The following SLC15A2 variants were observed in gnomAD, a reference collection of about 807,000 sequenced individuals.
SLC15A2 encodes kidney H(+)/peptide cotransporter.
A neutral mutation model predicts 95.5 loss-of-function variants in SLC15A2; 77 were observed. That is an observed-to-expected ratio of 0.81 (90% CI 0.67 to 0.97). The LOEUF is 0.97. SLC15A2 is among the 50% of genes least tolerant of loss of function. The probability of loss-of-function intolerance (pLI) is 0.00; values close to 1 mark genes in which losing one functional copy is unlikely to be tolerated. For missense variants in SLC15A2, 893 were observed against 874.4 expected (o/e 1.02, Z -0.27); for synonymous variants, 306 against 306.9 (o/e 1.00, Z 0.03).
chr3:121,897,336 A>G lies in SLC15A2; in HGVS notation c.194-52A>G, dbSNP rs192534104. The G allele has an allele frequency of 1.7e-4, 263 of 1,590,558 alleles. 3 individuals carry two copies. In the East Asian group the frequency reaches 5.8e-3, roughly 35 times the overall value. On this transcript the variant is annotated intron_variant, in intron 2 of 21. Coordinates refer to ENST00000489711, the MANE Select transcript of SLC15A2 (RefSeq NM_021082.4). ...ATATTTTTTTCCATAAGTCACTTTA[A>G]TGCATCTATCTTGTTTTGTCTCCCC...
intron 3 of SLC15A2, among the ~76,000 whole-genome samples, chr3:121,899,986 A>G (rs1709492528): frequency 6.6e-6 from 1 of 150,954 alleles, no homozygotes; most frequent in South Asian, 2.1e-4. Flanking sequence ...TATTTTTCTC[A>G]CTCTCGTCCT....
intron 3 of SLC15A2, among the ~76,000 whole-genome samples, chr3:121,909,418 T>C (rs1183915787): frequency 1.3e-5 from 2 of 152,208 alleles, no homozygotes; most frequent in South Asian, 2.1e-4. Context: ...GTTTCTTGAT[T>C]TGTAAAATTG....
At chr3:121,930,418 G>T (rs1710208892) in intron 17 of SLC15A2, among the ~76,000 whole-genome samples, 1 of 152,158 alleles carries the variant, frequency 6.6e-6, no homozygotes, top group African/African-American at 2.4e-5. Flanking sequence ...TCAGTTTTAT[G>T]TAAATACTAT....
intron 19 of SLC15A2, among the ~76,000 whole-genome samples, chr3:121,935,889 C>T (rs986719804): frequency 3.3e-5 from 5 of 151,992 alleles, no homozygotes; most frequent in African/African-American, 1.2e-4. Flanking sequence ...CCTGCTTTCT[C>T]TTGTGGGCAT....
intron 3 of SLC15A2, among the ~76,000 whole-genome samples, chr3:121,907,020 C>T (rs138928010): frequency 6.1e-4 from 93 of 152,252 alleles, no homozygotes; most frequent in African/African-American, 2.1e-3. Flanking sequence ...TTTACATAGT[C>T]CTATATTTCT....
At chr3:121,913,335 T>C (rs1294419377) in intron 5 of SLC15A2, among the ~76,000 whole-genome samples, 1 of 152,162 alleles carries the variant, frequency 6.6e-6, no homozygotes, top group African/African-American at 2.4e-5. Context: ...AAAAGGTATG[T>C]CTTATGAGGA....
chr3:121,934,388 C>A (rs1249074597), intron 19 of SLC15A2, among the ~76,000 whole-genome samples: 2 of 151,910 alleles, frequency 1.3e-5, no homozygotes, highest in African/African-American at 2.4e-5. Context: ...ATTCTTCCTA[C>A]CCATGAGCAT....
chr3:121,929,476 G>T, intron 17 of SLC15A2, 128 bp downstream of exon 17: 1 of 937,720 alleles, frequency 1.1e-6, no homozygotes, highest in South Asian at 1.6e-5. Flanking sequence ...GGGCACTGGT[G>T]TCAAAAGGCA....
chr3:121,898,197 T>G (rs1709457480), intron 3 of SLC15A2, among the ~76,000 whole-genome samples: 1 of 152,064 alleles, frequency 6.6e-6, no homozygotes, highest in East Asian at 1.9e-4. Context: ...GATGCTTTTA[T>G]GTAGTTATTT....
At chr3:121,909,949 C>G (rs1709728484) in intron 3 of SLC15A2, among the ~76,000 whole-genome samples, 1 of 151,490 alleles carries the variant, frequency 6.6e-6, no homozygotes. Flanking sequence ...GGATACCGAT[C>G]TTACTACCCA....
chr3:121,940,895 G>A lies in SLC15A2; in HGVS notation c.2078G>A (p.Gly693Asp). The change falls in exon 22 of 22, where the codon GGC becomes GAC. Residue 693 changes from glycine (G) to aspartate (D), a missense_variant. Coordinates refer to ENST00000489711, the MANE Select transcript of SLC15A2 (RefSeq NM_021082.4). ...LVICLIFSIM[G>D]YYYVPVKTED... ...ATCTGCCTGATCTTCTCCATCATGG[G>A]CTACTACTATGTTCCTGTAAAGACA... 6.2e-7 allele frequency: 1 copy of A among 1,614,072 alleles called. No homozygotes were observed. The highest frequency in any genetic ancestry group is 8.5e-7 in the Non-Finnish European group (1 of 1,180,010).
chr3:121,926,632 C>A (rs561298607), intron 13 of SLC15A2, among the ~76,000 whole-genome samples: 170 of 152,326 alleles, frequency 1.1e-3, no homozygotes, highest in African/African-American at 3.8e-3. Context: ...TCTACTAGGG[C>A]AGTGTGGAGG....
chr3:121,928,066 C>A (rs764742239), intron 14 of SLC15A2, among the ~76,000 whole-genome samples: 3 of 152,212 alleles, frequency 2.0e-5, no homozygotes, highest in Non-Finnish European at 4.4e-5. Flanking sequence ...AGGGAATTCT[C>A]AAACACTAAT....
At chr3:121,915,359 G>A in intron 6 of SLC15A2, 42 bp downstream of exon 6, 1 of 1,389,436 alleles carries the variant, frequency 7.2e-7, no homozygotes, top group Non-Finnish European at 1.0e-6. Flanking sequence ...GCTTTGCTCT[G>A]GTCAGCCAAA....
rs192465683 is a variant in SLC15A2 at position 121,914,308 on chromosome 3, T to C, written c.529-919T>C. On this transcript the variant is annotated intron_variant, in intron 5 of 21. Coordinates refer to ENST00000489711, the MANE Select transcript of SLC15A2 (RefSeq NM_021082.4). The stretch of plus-strand genomic sequence containing the variant: ...ATATGGCAGGGAGAGATCTGGGGTG[T>C]CAGAATGAAGCATGTCGGTGTATAA... Among the ~76,000 whole-genome samples, 928 of 152,284 alleles carry C rather than the reference T, an allele frequency of 6.1e-3. 8 individuals carry two copies. The highest frequency in any genetic ancestry group is 0.021 in the African/African-American group (869 of 41,554).
chr3:121,929,392 T>C, intron 17 of SLC15A2, 44 bp downstream of exon 17: 1 of 1,580,998 alleles, frequency 6.3e-7, no homozygotes, highest in Non-Finnish European at 8.7e-7. Flanking sequence ...TTTTCTTGAA[T>C]CTTGGATCTC....
chr3:121,916,064 C>A (rs1452188004), intron 7 of SLC15A2, among the ~76,000 whole-genome samples: 1 of 152,106 alleles, frequency 6.6e-6, no homozygotes. Flanking sequence ...AATCCTCTTT[C>A]AAATTAGTTT....
chr3:121,921,821 AC>A (rs1710010670), intron 7 of SLC15A2, among the ~76,000 whole-genome samples: 1 of 152,216 alleles, frequency 6.6e-6, no homozygotes, highest in Non-Finnish European at 1.5e-5. Flanking sequence ...AATAGGCAAT[AC>A]GTTAAAGAAA....
chr3:121,932,988 A>G (rs1710263211), intron 19 of SLC15A2, among the ~76,000 whole-genome samples: 1 of 150,902 alleles, frequency 6.6e-6, no homozygotes, highest in Non-Finnish European at 1.5e-5. Flanking sequence ...TTCAATTCCC[A>G]CCTATGAGTG....
Sources: gnomAD v4.1 joint callset for allele counts (sites outside exome capture counted in the v4.1 genomes callset) on GRCh38, gnomAD v4.1.1 for gene constraint, MANE v1.5 for transcripts, NCBI Gene and HGNC (gene_info 2026-07-23, HGNC 2026-07-21) for gene names.